The following DNAI2 variants were observed in gnomAD, a reference collection of about 807,000 sequenced individuals.
DNAI2 encodes the protein dynein, axonemal, intermediate polypeptide 2.
DNAI2 carries 63 observed loss-of-function variants against 74.7 expected under a neutral mutation model. That is an observed-to-expected ratio of 0.84 (90% CI 0.69 to 1.04). The LOEUF is 1.04. Among genes scored for constraint, DNAI2 ranks in the 50% least tolerant of loss-of-function variants. DNAI2 has a pLI of 0.00. For missense variants in DNAI2, 688 were observed against 803.2 expected, an observed-to-expected ratio of 0.86 and a Z score of 1.73; for synonymous variants, 289 against 314.9, an observed-to-expected ratio of 0.92 and a Z score of 0.87.
At position 74,283,501 on chromosome 17, in the gene DNAI2, G is replaced by A. The variant is rs76743596; in HGVS notation, c.183+1501G>A. On this transcript the variant is annotated intron_variant, in intron 2 of 13. Coordinates refer to ENST00000311014, the MANE Select transcript of DNAI2 (RefSeq NM_023036.6). ...CTCGCACCTGTGGTCCCAGTTACTT[G>A]GGAGGTGGAGGCGGGCGGATTGCTT... Among the ~76,000 whole-genome samples, 830 of 151,946 alleles carry A rather than the reference G, an allele frequency of 5.5e-3. 9 individuals carry two copies. The highest frequency in any genetic ancestry group is 0.019 in the African/African-American group (786 of 41,394).
In DNAI2 at chr17:74,282,053, G is replaced by T; in HGVS notation, c.183+53G>T. 1.9e-6 allele frequency: 3 copies of T among 1,604,302 alleles called. No homozygotes were observed. The African/African-American group carries it at 4.0e-5, about 21-fold the overall frequency. On this transcript the variant is annotated intron_variant, in intron 2 of 13. Coordinates refer to ENST00000311014, the MANE Select transcript of DNAI2 (RefSeq NM_023036.6). ...CTGTCAGGTGTGGCCAGGCAGGGCGGCCAGCTGGGGCCGGTGAGTGGTTCT... is the reference window on the plus strand; with the variant it reads ...CTGTCAGGTGTGGCCAGGCAGGGCGTCCAGCTGGGGCCGGTGAGTGGTTCT...
In DNAI2 at chr17:74,301,130, G is replaced by T; in HGVS notation, c.949G>T (p.Ala317Ser). 2 of 1,614,082 alleles carry T rather than the reference G, an allele frequency of 1.2e-6. No homozygotes were observed. Among genetic ancestry groups the T allele is most frequent in the Non-Finnish European group, 1.7e-6 (2 of 1,179,974 alleles). The change falls in exon 8 of 14, where the codon GCC becomes TCC. Residue 317 changes from alanine to serine, a missense_variant. By Grantham distance (99) the Ala-to-Ser change is moderately conservative (BLOSUM62 1). Transcript: ENST00000311014. The part of the protein sequence containing the change: ...DITKKEQLEN[A>S]LGAISLEFES... The stretch of plus-strand genomic sequence containing the variant: ...CACCAAGAAGGAACAGTTGGAAAAT[G>T]CCTTGGGGGCCATCTCCCTGGAGTT...
intron 6 of DNAI2, among the ~76,000 whole-genome samples, 158 bp downstream of exon 6, chr17:74,291,291 G>T (rs9905633): frequency 6.6e-6 from 1 of 151,844 alleles, no homozygotes; most frequent in Admixed American, 6.6e-5. Context: ...CTCCCGAGTC[G>T]CTGAGATTAC....
intron 1 of DNAI2, chr17:74,281,556 C>T (rs1266138935): frequency 3.4e-6 from 2 of 587,518 alleles, no homozygotes. Flanking sequence ...CCGCGCCTGG[C>T]CAAAATTTTT....
chr17:74,313,986 C>T lies in DNAI2; in HGVS notation c.1723-135C>T, dbSNP rs942367574. On this transcript the variant is annotated intron_variant, in intron 12 of 13. Transcript: ENST00000311014. ...CCTCACCAGCCGCAGAGCTGGCACC[C>T]GGGTTCCAGGGTGCTCAGCGACCCA... is the stretch of plus-strand genomic sequence containing the variant. 16 of 1,464,684 alleles carry T rather than the reference C, an allele frequency of 1.1e-5. No individual in the cohort carries two copies. The African/African-American group carries it at 1.3e-4, about 12-fold the overall frequency. The allele number at this position is 1,464,684 out of a possible 1,614,324, so 90.7% of individuals were successfully genotyped here. A position where few individuals can be genotyped will look rare whatever the true frequency, so the allele number is the denominator to read the frequency against.
intron 12 of DNAI2, among the ~76,000 whole-genome samples, 177 bp downstream of exon 12, chr17:74,312,407 C>T (rs2053586441): frequency 1.3e-5 from 2 of 152,100 alleles, no homozygotes; most frequent in South Asian, 4.1e-4. Context: ...CAAAGCATCC[C>T]AAGTCTCCAA....
chr17:74,312,074 G>A lies in DNAI2; in HGVS notation c.1566G>A (p.Lys522=). 6.2e-7 allele frequency: 1 copy of A among 1,613,094 alleles called. No individual in the cohort carries two copies. The highest frequency in any genetic ancestry group is 1.3e-5 in the African/African-American group (1 of 75,028). The stretch of plus-strand genomic sequence containing the variant: ...ACCGGGAGATGCGGCTGAAGGAGAA[G>A]GGTAAGGCGGAGGGCAGGGATGAGG... The part of the protein sequence containing the change: ...ARHREMRLKE[K]GKAEGRDEEQ... The change falls in exon 12 of 14, where the codon AAG becomes AAA. Residue 522 remains lysine, a synonymous_variant. Transcript: ENST00000311014.
chr17:74,293,477 G>A (rs2052248300), intron 6 of DNAI2, among the ~76,000 whole-genome samples: 2 of 151,808 alleles, frequency 1.3e-5, no homozygotes, highest in Admixed American at 1.3e-4. Flanking sequence ...GCCCTCTTTG[G>A]TTACCATTTG....
chr17:74,312,782 A>C (rs1021465524), intron 12 of DNAI2, among the ~76,000 whole-genome samples: 5 of 152,232 alleles, frequency 3.3e-5, no homozygotes, highest in Non-Finnish European at 1.5e-5. Context: ...TTCCATCTGG[A>C]AAATGAGGAG....
At chr17:74,274,405 G>T (rs1331552881) in intron 1 of DNAI2, 60 bp downstream of exon 1, 1 of 152,284 alleles carries the variant, frequency 6.6e-6, no homozygotes, top group African/African-American at 2.4e-5. Context: ...GAGTGACAGG[G>T]AGAGACTTAC....
chr17:74,291,198 T>G, intron 6 of DNAI2, 65 bp downstream of exon 6: 1 of 1,378,136 alleles, frequency 7.3e-7, no homozygotes, highest in East Asian at 2.4e-5. Flanking sequence ...TTTGCTCTTG[T>G]TTCCCAGGCT....
intron 8 of DNAI2, among the ~76,000 whole-genome samples, chr17:74,302,479 A>AT (rs369783079): frequency 1.8e-4 from 28 of 152,222 alleles, no homozygotes; most frequent in African/African-American, 6.5e-4. Context: ...AGGCAGGAGA[A>AT]TTGCTTGAAC....
At chr17:74,305,570 G>A (rs1251362392) in intron 9 of DNAI2, 128 bp downstream of exon 9, 14 of 786,204 alleles carry the variant, frequency 1.8e-5, no homozygotes, top group East Asian at 1.6e-4. Context: ...ACAAACACCC[G>A]AGCTCGTGTT....
In DNAI2 at chr17:74,300,753, G is replaced by A. The variant is rs2052712909; in HGVS notation, c.865-293G>A. On this transcript the variant is annotated intron_variant, in intron 7 of 13. Transcript: ENST00000311014. This position sits in a 1 kb window ranked among gnomAD's most constrained non-coding sequence, Gnocchi z 4.5. ...ATATTGCCTTATTGTGGGGAGTCTT[G>A]GCATATACCGATTCTTGGCCTTGCA... Among the ~76,000 whole-genome samples the A allele has an allele frequency of 6.6e-6, 1 of 152,158 alleles. No individual in the cohort carries two copies. Among genetic ancestry groups the A allele is most frequent in the South Asian group, 2.1e-4 (1 of 4,822 alleles).
At chr17:74,298,138 CA>C (rs67791260) in intron 6 of DNAI2, among the ~76,000 whole-genome samples, 19,462 of 152,198 alleles carry the variant, frequency 0.13, 1,617 homozygotes, top group Non-Finnish European at 0.19. Flanking sequence ...AGTCATTATT[CA>C]TAACCTCTTT....
intron 5 of DNAI2, among the ~76,000 whole-genome samples, 161 bp downstream of exon 5, chr17:74,289,897 C>T (rs1281349770): frequency 6.6e-6 from 1 of 152,174 alleles, no homozygotes; most frequent in Non-Finnish European, 1.5e-5. Context: ...TCTCCTTCCT[C>T]TCTTGTCTGG....
At chr17:74,282,033 A>G in intron 2 of DNAI2, 33 bp downstream of exon 2, 1 of 1,612,900 alleles carries the variant, frequency 6.2e-7, no homozygotes, top group Non-Finnish European at 8.5e-7. Flanking sequence ...CTGGCCTGTC[A>G]GGTGTGGCCA....
At chr17:74,278,417 A>G (rs536384953) in intron 1 of DNAI2, among the ~76,000 whole-genome samples, 27 of 152,060 alleles carry the variant, frequency 1.8e-4, no homozygotes, top group African/African-American at 6.5e-4. Flanking sequence ...ATGACAGAGC[A>G]AGACACTGTC....
chr17:74,277,371 C>T (rs1260957488), intron 1 of DNAI2, among the ~76,000 whole-genome samples: 3 of 126,650 alleles, frequency 2.4e-5, no homozygotes, highest in Non-Finnish European at 4.7e-5. Context: ...GACGACAGAG[C>T]GAGAATCCAT....
Sources: allele counts gnomAD v4.1 joint callset (sites outside exome capture counted in the v4.1 genomes callset), GRCh38; gene constraint gnomAD v4.1.1; non-coding constraint Gnocchi (gnomAD v3.1); transcripts MANE v1.5; gene names NCBI Gene and HGNC (gene_info 2026-07-23, HGNC 2026-07-21).